The following TNR variants were observed in gnomAD, a reference collection of about 807,000 sequenced individuals.
TNR encodes the protein tenascin R, also known as tenascin-R.
In TNR, 45 loss-of-function variants were observed where a neutral mutation model predicts 150.4. The observed-to-expected ratio is 0.30, with a 90% CI of 0.24 to 0.38. The LOEUF (loss-of-function observed/expected upper bound fraction) is 0.38. Among genes scored for constraint, TNR ranks in the 10% least tolerant of loss-of-function variants. The pLI, the probability that TNR is intolerant of heterozygous loss-of-function variation, is 1.00. For synonymous variants in TNR, 687 were observed against 678.4 expected (o/e 1.01, Z -0.20); for missense variants, 1,544 against 1,759.1 (o/e 0.88, Z 2.19).
chr1:175,557,621 A>C (rs968631297), intron 1 of TNR, among the ~76,000 whole-genome samples: 2 of 151,684 alleles, frequency 1.3e-5, no homozygotes, highest in African/African-American at 4.8e-5. Context: ...GTCAGGAAAC[A>C]ACAGGTGCTG....
At chr1:175,723,617 A>G (rs1667400154) in intron 1 of TNR, among the ~76,000 whole-genome samples, 1 of 152,234 alleles carries the variant, frequency 6.6e-6, no homozygotes, top group East Asian at 1.9e-4. Flanking sequence ...CATGCCTGTA[A>G]TCTCAACAAT....
intron 2 of TNR, among the ~76,000 whole-genome samples, chr1:175,453,627 T>A (rs1386235736): frequency 6.6e-6 from 1 of 152,092 alleles, no homozygotes; most frequent in Non-Finnish European, 1.5e-5. Flanking sequence ...GTGGCGTGAT[T>A]ATAGCTTACC....
At chr1:175,417,298 G>A (rs1008219107) in intron 2 of TNR, among the ~76,000 whole-genome samples, 2 of 152,138 alleles carry the variant, frequency 1.3e-5, no homozygotes, top group African/African-American at 4.8e-5. Flanking sequence ...CAGATGGAGG[G>A]GGATGGTGGA....
At chr1:175,367,050 G>C (rs1216824384) in intron 10 of TNR, among the ~76,000 whole-genome samples, 158 bp downstream of exon 10, 1 of 152,190 alleles carries the variant, frequency 6.6e-6, no homozygotes, top group African/African-American at 2.4e-5. Flanking sequence ...CAAGGATTAG[G>C]CATAGGGTGG....
chr1:175,399,327 T>A (rs951449239), intron 4 of TNR, among the ~76,000 whole-genome samples: 5 of 152,254 alleles, frequency 3.3e-5, no homozygotes, highest in Admixed American at 2.0e-4. Flanking sequence ...TATTCCTTTT[T>A]GCTTCCTTCT....
chr1:175,550,304 C>G (rs903026152), intron 1 of TNR, among the ~76,000 whole-genome samples: 2 of 152,190 alleles, frequency 1.3e-5, no homozygotes, highest in African/African-American at 2.4e-5. Flanking sequence ...AGTCCCCTCT[C>G]TGCCCCTACC....
At chr1:175,496,105 T>A (rs1658478936) in intron 2 of TNR, among the ~76,000 whole-genome samples, 1 of 152,178 alleles carries the variant, frequency 6.6e-6, no homozygotes, top group South Asian at 2.1e-4. Context: ...GAGAAATTCA[T>A]GTTCTCGTGA....
At chr1:175,499,005 A>G (rs1357689815) in intron 2 of TNR, among the ~76,000 whole-genome samples, 3 of 152,224 alleles carry the variant, frequency 2.0e-5, no homozygotes, top group African/African-American at 7.2e-5. Context: ...GAAAAACAAC[A>G]AGAGAGGCAA....
intron 1 of TNR, among the ~76,000 whole-genome samples, chr1:175,531,837 C>A (rs1660082241): frequency 6.6e-6 from 1 of 152,222 alleles, no homozygotes; most frequent in Non-Finnish European, 1.5e-5. Flanking sequence ...GTGAGTTCAG[C>A]CATCAGAGGG....
chr1:175,577,325 G>A (rs535931493), intron 1 of TNR, among the ~76,000 whole-genome samples: 1 of 152,266 alleles, frequency 6.6e-6, no homozygotes, highest in Admixed American at 6.5e-5. Flanking sequence ...CAGCGTTTTA[G>A]GAGTTTGCTA....
At chr1:175,332,709 G>C (rs1571303560) in intron 20 of TNR, among the ~76,000 whole-genome samples, 2 of 152,102 alleles carry the variant, frequency 1.3e-5, no homozygotes, top group Admixed American at 6.5e-5. Flanking sequence ...CAGTTGTCAG[G>C]AGAATTCCTG....
At chr1:175,483,191 G>A (rs1023615753) in intron 2 of TNR, among the ~76,000 whole-genome samples, 3 of 152,210 alleles carry the variant, frequency 2.0e-5, no homozygotes, top group African/African-American at 7.2e-5. Flanking sequence ...GGGAAAGACA[G>A]TCTAGTCAAG....
intron 1 of TNR, among the ~76,000 whole-genome samples, chr1:175,623,853 G>A (rs747500098): frequency 1.2e-4 from 19 of 152,212 alleles, no homozygotes; most frequent in African/African-American, 1.7e-4. Flanking sequence ...GAAGTGCTCC[G>A]GGGCCCACAC....
chr1:175,623,681 G>A (rs920601700), intron 1 of TNR, among the ~76,000 whole-genome samples: 1 of 152,222 alleles, frequency 6.6e-6, no homozygotes, highest in African/African-American at 2.4e-5. Context: ...CCTGTCCTTT[G>A]CCAACTCCTC....
chr1:175,474,311 C>G (rs1395204078), intron 2 of TNR, among the ~76,000 whole-genome samples: 4 of 152,124 alleles, frequency 2.6e-5, no homozygotes, highest in Non-Finnish European at 4.4e-5. Flanking sequence ...AGGGTGGGCC[C>G]TAATCCAATG....
At chr1:175,654,112 A>C (rs1665098172) in intron 1 of TNR, among the ~76,000 whole-genome samples, 1 of 152,208 alleles carries the variant, frequency 6.6e-6, no homozygotes, top group Non-Finnish European at 1.5e-5. Flanking sequence ...ATGCTCCAAC[A>C]TATCCTTTTG....
chr1:175,359,488 G>A, intron 15 of TNR, 124 bp downstream of exon 15: 3 of 1,492,654 alleles, frequency 2.0e-6, no homozygotes, highest in Non-Finnish European at 2.8e-6. Flanking sequence ...TATACCTGAA[G>A]TAGGAACTTT....
intron 1 of TNR, among the ~76,000 whole-genome samples, chr1:175,732,375 T>C (rs1290682019): frequency 1.3e-5 from 2 of 152,216 alleles, no homozygotes; most frequent in African/African-American, 4.8e-5. Flanking sequence ...TAGATGAGAA[T>C]TGACACTACC....
intron 1 of TNR, among the ~76,000 whole-genome samples, chr1:175,619,826 A>G (rs903836372): frequency 6.6e-6 from 1 of 152,232 alleles, no homozygotes; most frequent in African/African-American, 2.4e-5. Context: ...ACATACAGCC[A>G]ATCACCACTA....
Sources: gnomAD v4.1 joint callset for allele counts (sites outside exome capture counted in the v4.1 genomes callset) on GRCh38, gnomAD v4.1.1 for gene constraint, MANE v1.5 for transcripts, NCBI Gene and HGNC (gene_info 2026-07-23, HGNC 2026-07-21) for gene names.